DTNBP1: variants seen among roughly 807,000 people sequenced by gnomAD.
The protein encoded by DTNBP1 is dysbindin.
DTNBP1 carries 35 observed loss-of-function variants against 42.8 expected under a neutral mutation model. That is an observed-to-expected ratio of 0.82 (90% CI 0.63 to 1.09). DTNBP1 has a LOEUF of 1.09. Among genes scored for constraint, DTNBP1 ranks in the 50% least tolerant of loss-of-function variants. The pLI is 0.00. For synonymous variants in DTNBP1, 171 were observed against 162.2 expected (o/e 1.05, Z -0.41); for missense variants, 457 against 424.2 (o/e 1.08, Z -0.68).
chr6:15,525,579 T>C (rs1772327353), intron 8 of DTNBP1, among the ~76,000 whole-genome samples: 1 of 151,980 alleles, frequency 6.6e-6, no homozygotes, highest in South Asian at 2.1e-4. Context: ...AAAGGTGAAG[T>C]CAAAAACAAG....
At chr6:15,598,938 T>A (rs1416622912) in intron 6 of DTNBP1, among the ~76,000 whole-genome samples, 1 of 152,050 alleles carries the variant, frequency 6.6e-6, no homozygotes, top group African/African-American at 2.4e-5. Context: ...TTTGGGCAAA[T>A]ACAGCCAAGA....
chr6:15,589,157 A>G (rs1255405773), intron 7 of DTNBP1, among the ~76,000 whole-genome samples: 1 of 152,250 alleles, frequency 6.6e-6, no homozygotes, highest in African/African-American at 2.4e-5. Flanking sequence ...GTAACATGCT[A>G]AGGGCTGCCA....
intron 6 of DTNBP1, among the ~76,000 whole-genome samples, chr6:15,594,556 G>C (rs1208414303): frequency 6.6e-6 from 1 of 151,160 alleles, no homozygotes; most frequent in Non-Finnish European, 1.5e-5. Context: ...ATTCTTAAAA[G>C]CTTAGCTAGG....
In DTNBP1 at chr6:15,522,865, A is replaced by C; in HGVS notation, c.*110T>G. On this transcript the variant is annotated 3_prime_UTR_variant, in exon 10 of 10. Transcript: ENST00000344537. ...TTTAAGTTTCTCACACATTATTGGC[A>C]ATTATGTAAAAATCAAGAACCTCTA... 3 of 1,572,330 alleles carry C rather than the reference A, an allele frequency of 1.9e-6. No homozygotes were observed. Among genetic ancestry groups the C allele is most frequent in the Non-Finnish European group, 1.7e-6 (2 of 1,147,150 alleles).
At chr6:15,651,221 G>A in intron 3 of DTNBP1, 92 bp downstream of exon 3, 2 of 1,211,880 alleles carry the variant, frequency 1.7e-6, no homozygotes, top group Admixed American at 1.9e-5. Flanking sequence ...AAATTTAGCT[G>A]TTTTAAGGCT....
At chr6:15,600,834 T>C (rs1294459950) in intron 6 of DTNBP1, among the ~76,000 whole-genome samples, 1 of 152,196 alleles carries the variant, frequency 6.6e-6, no homozygotes, top group Non-Finnish European at 1.5e-5. Context: ...GAAGACAATT[T>C]TGGGCATGGT....
At position 15,627,810 on chromosome 6, in the gene DTNBP1, A is replaced by C. The variant is rs1287889656; in HGVS notation, c.223-335T>G. On this transcript the variant is annotated intron_variant, in intron 4 of 9. Transcript: ENST00000344537. The stretch of plus-strand genomic sequence containing the variant: ...ATCTAGAAAAAAAAAAAACAAAAAC[A>C]AAAAACTACCACTAACAACCAAAAA... Among the ~76,000 whole-genome samples the C allele has an allele frequency of 3.9e-5, 6 of 151,994 alleles. No homozygotes were observed. In the East Asian group the frequency reaches 1.2e-3, roughly 29 times the overall value.
chr6:15,526,862 G>A (rs964548741), intron 8 of DTNBP1, among the ~76,000 whole-genome samples: 1 of 152,196 alleles, frequency 6.6e-6, no homozygotes, highest in Non-Finnish European at 1.5e-5. Context: ...AAAGCTTTCA[G>A]GAAAATTCTG....
At chr6:15,640,951 G>A (rs1271313720) in intron 3 of DTNBP1, among the ~76,000 whole-genome samples, 1 of 152,146 alleles carries the variant, frequency 6.6e-6, no homozygotes, top group African/African-American at 2.4e-5. Flanking sequence ...AGTCAAGGTG[G>A]GCCAATAAGG....
chr6:15,523,248 C>A (rs373779832), intron 9 of DTNBP1, 29 bp from the exon 10 acceptor site: 1 of 1,613,360 alleles, frequency 6.2e-7, no homozygotes. Context: ...AAGAAAAAGC[C>A]CTGTCATAAA....
At chr6:15,575,460 G>C (rs1051898880) in intron 7 of DTNBP1, among the ~76,000 whole-genome samples, 3 of 152,142 alleles carry the variant, frequency 2.0e-5, no homozygotes, top group Admixed American at 1.3e-4. Context: ...TTAATTTTAT[G>C]GTAACATTTC....
intron 7 of DTNBP1, among the ~76,000 whole-genome samples, chr6:15,534,420 G>A (rs1773085012): frequency 6.6e-6 from 1 of 152,186 alleles, no homozygotes. Context: ...GGGAGGCCGA[G>A]GCAGGCGGAT....
At chr6:15,557,058 A>ATAC (rs1399050297) in intron 7 of DTNBP1, among the ~76,000 whole-genome samples, 2 of 152,130 alleles carry the variant, frequency 1.3e-5, no homozygotes, top group Non-Finnish European at 2.9e-5. Context: ...CCTTGTCTGC[A>ATAC]CTTCTGTCTG....
chr6:15,524,146 G>C, intron 9 of DTNBP1: 2 of 1,394,746 alleles, frequency 1.4e-6, no homozygotes, highest in Non-Finnish European at 1.9e-6. Flanking sequence ...AATGCCTGTC[G>C]CACGAAGAGG....
At chr6:15,585,705 A>T (rs931898214) in intron 7 of DTNBP1, 1 of 1,534,822 alleles carries the variant, frequency 6.5e-7, no homozygotes, top group Non-Finnish European at 8.7e-7. Flanking sequence ...AACAGAAAAT[A>T]AAGTTCCACC....
chr6:15,590,205 A>T (rs772904805), intron 7 of DTNBP1, among the ~76,000 whole-genome samples: 1 of 152,212 alleles, frequency 6.6e-6, no homozygotes, highest in Non-Finnish European at 1.5e-5. Flanking sequence ...AAGTGCTAGG[A>T]TTACAGGCGT....
intron 1 of DTNBP1, among the ~76,000 whole-genome samples, chr6:15,657,658 T>G (rs1023630437): frequency 1.3e-5 from 2 of 152,226 alleles, no homozygotes; most frequent in Non-Finnish European, 1.5e-5. Context: ...CGTCTAGATA[T>G]TCTAGACAGT....
chr6:15,614,466 C>T (rs1360584117), intron 6 of DTNBP1, among the ~76,000 whole-genome samples: 1 of 152,156 alleles, frequency 6.6e-6, no homozygotes, highest in East Asian at 1.9e-4. Flanking sequence ...CAAAGCCCGC[C>T]TCCAGCTTCA....
chr6:15,655,264 G>A (rs1399848432), intron 1 of DTNBP1, among the ~76,000 whole-genome samples: 7 of 151,922 alleles, frequency 4.6e-5, no homozygotes, highest in Admixed American at 4.6e-4. Flanking sequence ...TGGGACTACA[G>A]GCTCACACCA....
Sources: allele counts gnomAD v4.1 joint callset (sites outside exome capture counted in the v4.1 genomes callset), GRCh38; gene constraint gnomAD v4.1.1; transcripts MANE v1.5; gene names NCBI Gene and HGNC (gene_info 2026-07-23, HGNC 2026-07-21).